KCNC1: variants seen among roughly 807,000 people sequenced by gnomAD.
The protein encoded by KCNC1 is potassium voltage-gated channel subfamily C member 1, also known as voltage-gated potassium channel KCNC1.
In KCNC1, 8 loss-of-function variants were observed where a neutral mutation model predicts 43.4. The observed-to-expected ratio is 0.18, with a 90% confidence interval of 0.11 to 0.33. The LOEUF is 0.33. KCNC1 is among the 10% of genes least tolerant of loss of function. The pLI, the probability that KCNC1 is intolerant of heterozygous loss-of-function variation, is 1.00. For synonymous variants in KCNC1, 361 were observed against 360.5 expected (o/e 1.00, Z -0.01); for missense variants, 420 against 836.0 (o/e 0.50, Z 6.14).
At chr11:17,756,338 C>T (rs1849021821) in intron 1 of KCNC1, among the ~76,000 whole-genome samples, 1 of 151,996 alleles carries the variant, frequency 6.6e-6, no homozygotes, top group Non-Finnish European at 1.5e-5. Flanking sequence ...TCAATGTCCC[C>T]CTCTCCTACT....
chr11:17,775,417 CT>C, intron 2 of KCNC1: 1 of 985,560 alleles, frequency 1.0e-6, no homozygotes, highest in African/African-American at 1.7e-5. Flanking sequence ...TGTGCTGTGG[CT>C]GGCATGGCCT....
intron 2 of KCNC1, among the ~76,000 whole-genome samples, chr11:17,778,504 C>A (rs1849309764): frequency 6.6e-6 from 1 of 152,258 alleles, no homozygotes; most frequent in South Asian, 2.1e-4. Context: ...CAGCCTCATG[C>A]ATACATCCTT....
At chr11:17,768,614 G>GGC (rs1554991046) in intron 1 of KCNC1, among the ~76,000 whole-genome samples, 1 of 99,852 alleles carries the variant, frequency 1.0e-5, no homozygotes, top group Non-Finnish European at 2.1e-5. Flanking sequence ...GATGTTGGTG[G>GGC]GGGGGGGGGC....
intron 1 of KCNC1, among the ~76,000 whole-genome samples, chr11:17,747,255 C>T (rs2133784661): frequency 6.6e-6 from 1 of 152,252 alleles, no homozygotes; most frequent in East Asian, 1.9e-4. Context: ...GGTCACAACC[C>T]CTGTGAGCCT....
intron 1 of KCNC1, among the ~76,000 whole-genome samples, chr11:17,747,060 T>G (rs1848907799): frequency 6.6e-6 from 1 of 152,166 alleles, no homozygotes; most frequent in Non-Finnish European, 1.5e-5. Context: ...GTTACCCACC[T>G]GTTTCCTTCT....
intron 2 of KCNC1, chr11:17,774,954 G>A: frequency 1.0e-6 from 1 of 985,406 alleles, no homozygotes; most frequent in African/African-American, 1.7e-5. Flanking sequence ...GCCACCAAGA[G>A]GAGTTGCGGT....
intron 1 of KCNC1, among the ~76,000 whole-genome samples, chr11:17,738,840 A>C (rs1036810063): frequency 2.0e-5 from 3 of 152,138 alleles, no homozygotes; most frequent in Admixed American, 6.5e-5. Flanking sequence ...AGCGGGTGCT[A>C]GTGGGTGCTC....
rs1398264033 is a variant in KCNC1, at chr11:17,735,970, G to C, written c.-33G>C. 7.1e-7 allele frequency: 1 copy of C among 1,405,276 alleles called. No homozygotes were observed. Among genetic ancestry groups the C allele is most frequent in the Non-Finnish European group, 9.2e-7 (1 of 1,087,526 alleles). The allele number at this position is 1,405,276 out of a possible 1,614,324, so 87.1% of individuals were successfully genotyped here. ...CCTGGCGGCCGCTCCCATGGGTGTC[G>C]CTGGGCCGCGCCATGCCTAAGGGGG... On this transcript the variant is annotated 5_prime_UTR_variant, in exon 1 of 4. Coordinates refer to ENST00000265969, the MANE Select transcript of KCNC1 (RefSeq NM_001112741.2). The surrounding 1 kb of genome is among the most constrained non-coding windows in gnomAD (Gnocchi z 6.7).
At chr11:17,751,407 G>A (rs1848967397) in intron 1 of KCNC1, among the ~76,000 whole-genome samples, 2 of 152,242 alleles carry the variant, frequency 1.3e-5, no homozygotes, top group South Asian at 4.1e-4. Flanking sequence ...ACAAATGGCT[G>A]AGAAGGATGG....
At chr11:17,749,506 G>T (rs1232141230) in intron 1 of KCNC1, among the ~76,000 whole-genome samples, 1 of 152,172 alleles carries the variant, frequency 6.6e-6, no homozygotes, top group African/African-American at 2.4e-5. Flanking sequence ...GACTTCCGTG[G>T]GCCTCATCAC....
chr11:17,771,787 G>C lies in KCNC1; in HGVS notation c.693G>C (p.Thr231=). Residue 231 remains threonine, a synonymous_variant, in exon 2 of 4, where the codon ACG becomes ACC. Coordinates refer to ENST00000265969, the MANE Select transcript of KCNC1 (RefSeq NM_001112741.2). This position sits in a 1 kb window ranked among gnomAD's most constrained non-coding sequence, Gnocchi z 4.7. ...AGATCGAGAACGTTCGCAATGGCAC[G>C]CAAGTGCGCTACTACCGGGAGGCCG... ...KTEIENVRNG[T]QVRYYREAET... 1 of 1,614,250 alleles carries C rather than the reference G, an allele frequency of 6.2e-7. No individual in the cohort carries two copies. The highest frequency in any genetic ancestry group is 1.1e-5 in the South Asian group (1 of 91,090).
chr11:17,754,525 G>T (rs1229731182), intron 1 of KCNC1, among the ~76,000 whole-genome samples: 3 of 152,222 alleles, frequency 2.0e-5, no homozygotes, highest in South Asian at 2.1e-4. Context: ...AGGCTGCAGG[G>T]AGTAAACCAT....
At chr11:17,756,262 A>G (rs566044377) in intron 1 of KCNC1, among the ~76,000 whole-genome samples, 82 of 152,160 alleles carry the variant, frequency 5.4e-4, no homozygotes, top group Non-Finnish European at 9.3e-4. Flanking sequence ...ATGCCTGTGC[A>G]TTCCCCTTGA....
At chr11:17,750,679 C>T (rs769070826) in intron 1 of KCNC1, among the ~76,000 whole-genome samples, 36 of 152,224 alleles carry the variant, frequency 2.4e-4, no homozygotes, top group African/African-American at 7.2e-5. Flanking sequence ...CCATTCCCAA[C>T]GTGCTCCGGC....
chr11:17,771,244 G>A lies in KCNC1; in HGVS notation c.571-421G>A, dbSNP rs939479817. ...TTCTTTGCAAACTTCAGCCCCAGCA[G>A]GCTAGCTAAATGGGCAGGGTAGCTA... On this transcript the variant is annotated intron_variant, in intron 1 of 3. Transcript: ENST00000265969. This position sits in a 1 kb window ranked among gnomAD's most constrained non-coding sequence, Gnocchi z 4.7. 7.2e-5 allele frequency among the ~76,000 whole-genome samples: 8 copies of A among 110,994 alleles called. No homozygotes were observed. Among genetic ancestry groups the A allele is most frequent in the African/African-American group, 1.4e-4 (5 of 34,762 alleles). 72.8% of individuals were successfully genotyped at this position (110,994 alleles called of 152,430 possible).
Position 17,777,484 on chromosome 11 carries a change from C to A in KCNC1, c.1505-1972C>A. 1.0e-6 allele frequency: 1 copy of A among 986,030 alleles called. No individual in the cohort carries two copies. The highest frequency in any genetic ancestry group is 1.7e-5 in the African/African-American group (1 of 57,356). 61.1% of individuals were successfully genotyped at this position (986,030 alleles called of 1,614,324 possible). A position where few individuals can be genotyped will look rare whatever the true frequency, so the allele number is the denominator to read the frequency against. On this transcript the variant is annotated intron_variant, in intron 2 of 3. Transcript: ENST00000265969. This position sits in a 1 kb window ranked among gnomAD's most constrained non-coding sequence, Gnocchi z 4.3. ...ATACTGTTTCCCTCCCCTCTCCCAA[C>A]ACCCTCCTCCCTCAGCCCGGAGACC...
rs1180287132 is a variant in KCNC1 at position 17,773,985 on chromosome 11, C to T, written c.1504+1387C>T. On this transcript the variant is annotated intron_variant, in intron 2 of 3. Coordinates refer to ENST00000265969, the MANE Select transcript of KCNC1 (RefSeq NM_001112741.2). This position sits in a 1 kb window ranked among gnomAD's most constrained non-coding sequence, Gnocchi z 4.1. ...CCCCAGTGGATGATTGATTTTCTTC[C>T]CTGCTATCGCGCTCTCTGACCCACC... The T allele has an allele frequency of 6.1e-6, 6 of 985,428 alleles. No homozygotes were observed. Among genetic ancestry groups the T allele is most frequent in the African/African-American group, 1.7e-5 (1 of 57,242 alleles). 61.0% of individuals were successfully genotyped at this position (985,428 alleles called of 1,614,324 possible).
chr11:17,771,688 C>A lies in KCNC1; in HGVS notation c.594C>A (p.Phe198Leu). The A allele has an allele frequency of 6.2e-7, 1 of 1,610,064 alleles. No individual in the cohort carries two copies. Among genetic ancestry groups the A allele is most frequent in the Non-Finnish European group, 8.5e-7 (1 of 1,176,482 alleles). The change falls in exon 2 of 4, where the codon TTC becomes TTA. Residue 198 changes from phenylalanine (F) to leucine (L), a missense_variant. This residue lies in a region of KCNC1 where 151 missense variants were observed against 216.7 expected (regional missense o/e 0.70). Transcript: ENST00000265969. The surrounding 1 kb of genome is among the most constrained non-coding windows in gnomAD (Gnocchi z 4.7). ...YARYVAFASL[F>L]FILVSITTFC... ...AGTATGTGGCCTTCGCTTCCCTCTTCTTCATCCTGGTCTCCATCACCACCT... is the reference window on the plus strand; with the variant it reads ...AGTATGTGGCCTTCGCTTCCCTCTTATTCATCCTGGTCTCCATCACCACCT...
rs1352531016 is a variant in KCNC1, at chr11:17,781,011, GC to G, written c.1694-656del. On this transcript the variant is annotated intron_variant, in intron 3 of 3. Coordinates refer to ENST00000265969, the MANE Select transcript of KCNC1 (RefSeq NM_001112741.2). This position sits in a 1 kb window ranked among gnomAD's most constrained non-coding sequence, Gnocchi z 5.1. Reference sequence around the variant, plus strand: ...TTTTCCCAGTTGGAGGTGCTAGAATGCCCAGAAGCAGAATGCCCGAGGAGTG... The same window carrying G: ...TTTTCCCAGTTGGAGGTGCTAGAATGCCAGAAGCAGAATGCCCGAGGAGTG... The G allele has an allele frequency of 5.3e-5, 8 of 152,250 alleles. No individual in the cohort carries two copies. The highest frequency in any genetic ancestry group is 8.8e-5 in the Non-Finnish European group (6 of 68,068). 9.4% of individuals were successfully genotyped at this position (152,250 alleles called of 1,614,324 possible). A position where few individuals can be genotyped will look rare whatever the true frequency, so the allele number is the denominator to read the frequency against.
Sources: gnomAD v4.1 joint callset for allele counts (sites outside exome capture counted in the v4.1 genomes callset) on GRCh38, gnomAD v4.1.1 for gene constraint, gnomAD v4.1.1 regional missense constraint, Gnocchi (gnomAD v3.1) non-coding constraint, MANE v1.5 for transcripts, NCBI Gene and HGNC (gene_info 2026-07-23, HGNC 2026-07-21) for gene names.